FHIT: variants seen among roughly 807,000 people sequenced by gnomAD.
The protein encoded by FHIT is bis(5'-adenosyl)-triphosphatase.
In FHIT, 19 loss-of-function variants were observed where a neutral mutation model predicts 17.9. The ratio of observed to expected loss-of-function variants is 1.06; its 90% CI spans 0.74 to 1.56. The LOEUF is 1.56. Ranked by LOEUF, FHIT falls within the 40% of genes most tolerant of loss-of-function variation. The pLI, the probability that FHIT is intolerant of heterozygous loss-of-function variation, is 0.00. For missense variants in FHIT, 248 were observed against 189.2 expected, an observed-to-expected ratio of 1.31 and a Z score of -1.82; for synonymous variants, 81 against 69.7, an observed-to-expected ratio of 1.16 and a Z score of -0.81.
intron 8 of FHIT, among the ~76,000 whole-genome samples, chr3:59,753,354 A>G (rs1701023652): frequency 6.6e-6 from 1 of 152,232 alleles, no homozygotes; most frequent in South Asian, 2.1e-4. Context: ...TCCTCCTCAG[A>G]TTACAGGCAT....
At chr3:60,245,756 T>C (rs1705362675) in intron 5 of FHIT, among the ~76,000 whole-genome samples, 1 of 152,086 alleles carries the variant, frequency 6.6e-6, no homozygotes, top group African/African-American at 2.4e-5. Context: ...AGAAATGTTT[T>C]TAATATCAGG....
intron 3 of FHIT, among the ~76,000 whole-genome samples, chr3:60,975,005 CGGCTTT>C (rs1167390679): frequency 1.3e-5 from 2 of 151,946 alleles, no homozygotes; most frequent in Non-Finnish European, 2.9e-5. Flanking sequence ...ATTCTGTCTT[CGGCTTT>C]GGCTTAAGTT....
intron 2 of FHIT, among the ~76,000 whole-genome samples, chr3:61,135,058 A>G (rs367857268): frequency 1.1e-3 from 162 of 152,340 alleles, no homozygotes; most frequent in African/African-American, 3.4e-3. Flanking sequence ...TGGTCACCAC[A>G]GTTGTTGCTG....
At chr3:60,866,150 G>C (rs1047876196) in intron 3 of FHIT, among the ~76,000 whole-genome samples, 1 of 152,122 alleles carries the variant, frequency 6.6e-6, no homozygotes, top group Non-Finnish European at 1.5e-5. Context: ...TTCTCTGGAA[G>C]GAATGTACTT....
At position 59,787,490 on chromosome 3, in the gene FHIT, ACACACACACAC is replaced by A. The variant is rs1175893706; in HGVS notation, c.349-35180_349-35170del. Among the ~76,000 whole-genome samples, 53 of 37,864 alleles carry A rather than the reference ACACACACACAC, an allele frequency of 1.4e-3. No homozygotes were observed. In the East Asian group the frequency reaches 0.029, roughly 21 times the overall value. 24.8% of individuals were successfully genotyped at this position (37,864 alleles called of 152,430 possible). Reference sequence around the variant, plus strand: ...GAAGCACAAGGGGCAAAACACACACACACACACACACACACACACACACACACACACACACA... The same window carrying A: ...GAAGCACAAGGGGCAAAACACACACAACACACACACACACACACACACACA... On this transcript the variant is annotated intron_variant, in intron 8 of 9. Coordinates refer to ENST00000492590, the MANE Select transcript of FHIT (RefSeq NM_002012.4).
intron 5 of FHIT, among the ~76,000 whole-genome samples, chr3:60,050,567 T>G (rs765557465): frequency 2.6e-5 from 4 of 150,958 alleles, no homozygotes; most frequent in Admixed American, 6.6e-5. Flanking sequence ...AATTTCAGGC[T>G]GTTCCCAGAC....
intron 5 of FHIT, among the ~76,000 whole-genome samples, chr3:60,501,819 G>A (rs573131562): frequency 6.6e-6 from 1 of 152,168 alleles, no homozygotes; most frequent in African/African-American, 2.4e-5. Context: ...GTTTTACTTG[G>A]AGTTATTCAT....
At chr3:59,806,263 G>C (rs1485052698) in intron 8 of FHIT, among the ~76,000 whole-genome samples, 4 of 152,034 alleles carry the variant, frequency 2.6e-5, no homozygotes, top group Non-Finnish European at 5.9e-5. Flanking sequence ...TATGTGGCAA[G>C]AGGGGTAAAT....
intron 4 of FHIT, among the ~76,000 whole-genome samples, chr3:60,747,126 C>CAAA (rs112642337): frequency 1.8e-5 from 2 of 110,968 alleles, no homozygotes; most frequent in Admixed American, 1.9e-4. Context: ...TTGGAATTCA[C>CAAA]AAAAAAAAAA....
At chr3:60,057,700 A>G (rs1702136524) in intron 5 of FHIT, among the ~76,000 whole-genome samples, 1 of 152,074 alleles carries the variant, frequency 6.6e-6, no homozygotes. Context: ...CTCGAAAAAA[A>G]AAAAAAAGTA....
intron 5 of FHIT, among the ~76,000 whole-genome samples, chr3:60,047,255 T>A (rs1318919311): frequency 3.3e-5 from 5 of 152,230 alleles, no homozygotes; most frequent in African/African-American, 4.8e-5. Context: ...GCTATCCACA[T>A]TGTTATAATG....
intron 5 of FHIT, among the ~76,000 whole-genome samples, chr3:60,421,256 G>A (rs1702454996): frequency 1.3e-5 from 2 of 151,988 alleles, no homozygotes; most frequent in Non-Finnish European, 2.9e-5. Context: ...TAGCTGCCAG[G>A]TTTGGTCTGG....
At chr3:60,752,801 C>A (rs2042495751) in intron 4 of FHIT, among the ~76,000 whole-genome samples, 2 of 152,012 alleles carry the variant, frequency 1.3e-5, no homozygotes, top group Admixed American at 1.3e-4. Flanking sequence ...GAGAAAGATG[C>A]CAAAACAGAT....
At chr3:60,014,959 T>G (rs544759827) in intron 5 of FHIT, among the ~76,000 whole-genome samples, 3 of 151,696 alleles carry the variant, frequency 2.0e-5, no homozygotes, top group African/African-American at 7.3e-5. Context: ...GAAATTAATA[T>G]TCACTGTTAC....
At chr3:60,701,974 T>C (rs193030343) in intron 4 of FHIT, among the ~76,000 whole-genome samples, 142 of 152,316 alleles carry the variant, frequency 9.3e-4, no homozygotes, top group African/African-American at 3.1e-3. Flanking sequence ...TTCACTGTCA[T>C]AATTTTCTCA....
intron 2 of FHIT, among the ~76,000 whole-genome samples, chr3:61,076,995 A>G (rs116376403): frequency 6.6e-6 from 1 of 152,146 alleles, no homozygotes; most frequent in East Asian, 1.9e-4. Flanking sequence ...TAAATACCTA[A>G]CCAAACTTAC....
chr3:60,650,981 ACC>A (rs2039976351), intron 4 of FHIT, among the ~76,000 whole-genome samples: 1 of 152,112 alleles, frequency 6.6e-6, no homozygotes, highest in Non-Finnish European at 1.5e-5. Context: ...TCATATATAT[ACC>A]ATTTCCAAGT....
chr3:60,314,903 G>C (rs1340444100), intron 5 of FHIT, among the ~76,000 whole-genome samples: 1 of 152,084 alleles, frequency 6.6e-6, no homozygotes, highest in African/African-American at 2.4e-5. Context: ...GGGCAACACA[G>C]TGAGAGCCTG....
At chr3:60,176,337 G>C (rs1701668873) in intron 5 of FHIT, among the ~76,000 whole-genome samples, 1 of 152,130 alleles carries the variant, frequency 6.6e-6, no homozygotes. Flanking sequence ...GGGTGACAGA[G>C]TGAGACTCCA....
Sources: allele counts gnomAD v4.1 joint callset (sites outside exome capture counted in the v4.1 genomes callset), GRCh38; gene constraint gnomAD v4.1.1; transcripts MANE v1.5; gene names NCBI Gene and HGNC (gene_info 2026-07-23, HGNC 2026-07-21).